FAM117B: variants seen among roughly 807,000 people sequenced by gnomAD.
The protein encoded by FAM117B is family with sequence similarity 117 member B, also known as protein FAM117B.
A neutral mutation model predicts 52.8 loss-of-function variants in FAM117B; 22 were observed. The observed-to-expected ratio is 0.42, with a 90% CI of 0.30 to 0.59. FAM117B has a LOEUF of 0.59. FAM117B is among the 20% of genes least tolerant of loss of function. The pLI is 0.22. For missense variants in FAM117B, 678 were observed against 802.6 expected, an observed-to-expected ratio of 0.84 and a Z score of 1.88; for synonymous variants, 309 against 324.1, an observed-to-expected ratio of 0.95 and a Z score of 0.50.
chr2:202,669,633 G>T (rs1436193036), intron 1 of FAM117B, among the ~76,000 whole-genome samples: 1 of 151,986 alleles, frequency 6.6e-6, no homozygotes, highest in African/African-American at 2.4e-5. Flanking sequence ...AAGAAAAAAT[G>T]TTTTTCACAT....
At position 202,638,505 on chromosome 2, in the gene FAM117B, C is replaced by T. The variant is rs574867677; in HGVS notation, c.601+2717C>T. Among the ~76,000 whole-genome samples the T allele has an allele frequency of 1.4e-4, 22 of 152,170 alleles. No homozygotes were observed. The South Asian group carries it at 2.3e-3, about 16-fold the overall frequency. ...ATGTCCTCTCTTCATGGTTTTTGAA[C>T]GCTCCCCTTCCCTAGATCATCCCGT... is the stretch of plus-strand genomic sequence containing the variant. On this transcript the variant is annotated intron_variant, in intron 1 of 7. Transcript: ENST00000392238.
In FAM117B at chr2:202,635,268, A is replaced by T; in HGVS notation, c.81A>T (p.Gly27=). The change falls in exon 1 of 8, where the codon GGA becomes GGT. Residue 27 remains glycine (G), a synonymous_variant. Transcript: ENST00000392238. ...GTGGTGCGGTGGCCACGGCCGGGGG[A>T]CCCGGGAGCCGCTTGCAGCCCATGA... ...LGGGAVATAG[G]PGSRLQPMRA... is the part of the protein sequence containing the mutation. 1 of 1,385,128 alleles carries T rather than the reference A, an allele frequency of 7.2e-7. No individual in the cohort carries two copies. Among genetic ancestry groups the T allele is most frequent in the Non-Finnish European group, 9.4e-7 (1 of 1,066,986 alleles). 85.8% of individuals were successfully genotyped at this position (1,385,128 alleles called of 1,614,324 possible). A position where few individuals can be genotyped will look rare whatever the true frequency, so the allele number is the denominator to read the frequency against.
At chr2:202,679,792 A>G (rs1260584191) in intron 1 of FAM117B, among the ~76,000 whole-genome samples, 1 of 152,246 alleles carries the variant, frequency 6.6e-6, no homozygotes, top group Non-Finnish European at 1.5e-5. Context: ...AAATCCCGAT[A>G]CTTAAAAACA....
At position 202,759,248 on chromosome 2, in the gene FAM117B, C is replaced by T. The variant is rs1287897358; in HGVS notation, c.1346C>T (p.Ser449Phe). 6.2e-7 allele frequency: 1 copy of T among 1,613,924 alleles called. No individual in the cohort carries two copies. The highest frequency in any genetic ancestry group is 2.2e-5 in the East Asian group (1 of 44,888). The stretch of plus-strand genomic sequence containing the variant: ...TTTCTTGCAGAGAATGGGAACAATT[C>T]TCCTTTGCCCAAATATGCAACCTCA... The part of the protein sequence containing the change: ...DPRDKENGNN[S>F]PLPKYATSPK... Residue 449 changes from serine to phenylalanine, a missense_variant, in exon 7 of 8, where the codon TCT becomes TTT. Ser to Phe is a radical substitution (Grantham distance 155, BLOSUM62 -2). This residue lies in a region of FAM117B where 583 missense variants were observed against 644.8 expected (regional missense o/e 0.90). Coordinates refer to ENST00000392238, the MANE Select transcript of FAM117B (RefSeq NM_173511.4).
intron 1 of FAM117B, among the ~76,000 whole-genome samples, chr2:202,651,289 T>C (rs1464755555): frequency 6.6e-6 from 1 of 152,026 alleles, no homozygotes; most frequent in Admixed American, 6.6e-5. Context: ...CTCGAACTCC[T>C]GATTGCAGGT....
chr2:202,757,910 G>A (rs1460338654), intron 6 of FAM117B, among the ~76,000 whole-genome samples: 1 of 152,184 alleles, frequency 6.6e-6, no homozygotes, highest in Non-Finnish European at 1.5e-5. Context: ...CAAGCCTGAT[G>A]TAAAACGTTG....
chr2:202,697,949 A>C (rs1249598170), intron 2 of FAM117B, among the ~76,000 whole-genome samples: 3 of 152,070 alleles, frequency 2.0e-5, no homozygotes, highest in African/African-American at 7.2e-5. Context: ...GGCTCACTGA[A>C]ACCTCCACCT....
chr2:202,682,191 G>A (rs923464535), intron 1 of FAM117B, among the ~76,000 whole-genome samples: 4 of 152,228 alleles, frequency 2.6e-5, no homozygotes, highest in East Asian at 1.9e-4. Flanking sequence ...CTGTTTGTTC[G>A]TGTGACCTCA....
At chr2:202,763,273 C>T (rs1297416242) in intron 7 of FAM117B, among the ~76,000 whole-genome samples, 2 of 151,964 alleles carry the variant, frequency 1.3e-5, no homozygotes, top group Admixed American at 6.6e-5. Flanking sequence ...AGGGTTTCAA[C>T]GTGTTAGCCA....
At chr2:202,640,295 A>AATATATATAC (rs1689749791) in intron 1 of FAM117B, among the ~76,000 whole-genome samples, 2 of 51,312 alleles carry the variant, frequency 3.9e-5, no homozygotes, top group African/African-American at 1.7e-4. Context: ...ACCACCACAA[A>AATATATATAC]ATATATATAT....
At chr2:202,678,626 C>G (rs1293647283) in intron 1 of FAM117B, among the ~76,000 whole-genome samples, 2 of 152,166 alleles carry the variant, frequency 1.3e-5, no homozygotes, top group African/African-American at 4.8e-5. Context: ...ATGGCGAGAT[C>G]TTGGCTCACT....
At chr2:202,669,146 T>G (rs1051298806) in intron 1 of FAM117B, among the ~76,000 whole-genome samples, 3 of 152,128 alleles carry the variant, frequency 2.0e-5, no homozygotes, top group Non-Finnish European at 2.9e-5. Context: ...TTGGTAGAAA[T>G]TGGTTGTAAA....
chr2:202,726,672 G>A (rs1251514638), intron 4 of FAM117B, among the ~76,000 whole-genome samples: 1 of 152,132 alleles, frequency 6.6e-6, no homozygotes, highest in African/African-American at 2.4e-5. Context: ...CATTGGGTAT[G>A]GAACAGGCCC....
intron 4 of FAM117B, among the ~76,000 whole-genome samples, chr2:202,752,534 G>A (rs915892126): frequency 2.0e-5 from 3 of 150,822 alleles, no homozygotes; most frequent in African/African-American, 7.3e-5. Flanking sequence ...GATGGTCATT[G>A]ATTAGAATCA....
In FAM117B at chr2:202,766,104, A is replaced by C. The variant is rs1022939243; in HGVS notation, c.*340A>C. On this transcript the variant is annotated 3_prime_UTR_variant, in exon 8 of 8. Coordinates refer to ENST00000392238, the MANE Select transcript of FAM117B (RefSeq NM_173511.4). ...CACACACACACACACACACACACAC[A>C]CACCCCTGATCCTTGCCAACATGAT... The C allele has an allele frequency of 2.0e-5, 4 of 198,988 alleles. No individual in the cohort carries two copies. Among genetic ancestry groups the C allele is most frequent in the South Asian group, 2.1e-4 (2 of 9,584 alleles). The allele number at this position is 198,988 out of a possible 1,614,324, so 12.3% of individuals were successfully genotyped here.
At chr2:202,734,344 A>C (rs1691406446) in intron 4 of FAM117B, among the ~76,000 whole-genome samples, 1 of 152,196 alleles carries the variant, frequency 6.6e-6, no homozygotes, top group African/African-American at 2.4e-5. Flanking sequence ...CAACATAATG[A>C]GACCCTGTCT....
At chr2:202,659,604 CTTTTTTTTTTTTTTTTTTTTT>C (rs71030981) in intron 1 of FAM117B, among the ~76,000 whole-genome samples, 1,397 of 62,342 alleles carry the variant, frequency 0.022, 31 homozygotes, top group South Asian at 0.15. Flanking sequence ...AGCCACCGTG[CTTTTTTTTTTTTTTTTTTTTT>C]TTTTTTTTTG....
intron 7 of FAM117B, among the ~76,000 whole-genome samples, chr2:202,764,988 TAA>T (rs1691953894): frequency 6.6e-6 from 1 of 152,224 alleles, no homozygotes; most frequent in African/African-American, 2.4e-5. Flanking sequence ...TGTATATCTT[TAA>T]TTTCCTTGCT....
intron 1 of FAM117B, among the ~76,000 whole-genome samples, chr2:202,688,863 A>G (rs1690581754): frequency 6.6e-6 from 1 of 152,210 alleles, no homozygotes; most frequent in Non-Finnish European, 1.5e-5. Flanking sequence ...GAAACTTTTC[A>G]CGAACAGATC....
Sources: allele counts gnomAD v4.1 joint callset (sites outside exome capture counted in the v4.1 genomes callset), GRCh38; gene constraint gnomAD v4.1.1; regional missense constraint gnomAD v4.1.1; transcripts MANE v1.5; gene names NCBI Gene and HGNC (gene_info 2026-07-23, HGNC 2026-07-21).